Variants in EZH2 observed in about 807,000 individuals in gnomAD.
The protein encoded by EZH2 is histone-lysine N-methyltransferase EZH2.
In EZH2, 18 loss-of-function variants were observed where a neutral mutation model predicts 98.4. The observed-to-expected ratio is 0.18, with a 90% CI of 0.13 to 0.27. EZH2 has a LOEUF of 0.27. EZH2 is among the 10% of genes least tolerant of loss of function. The probability of loss-of-function intolerance (pLI) is 1.00; values close to 1 mark genes in which losing one functional copy is unlikely to be tolerated. For missense variants in EZH2, 470 were observed against 935.1 expected (o/e 0.50, Z 6.49); for synonymous variants, 338 against 312.3 (o/e 1.08, Z -0.87).
chr7:148,851,646 T>C (rs751083439), intron 1 of EZH2, among the ~76,000 whole-genome samples: 15 of 152,100 alleles, frequency 9.9e-5, no homozygotes, highest in Non-Finnish European at 1.3e-4. Context: ...GGTTGGAGGA[T>C]TGAGCCCAGG....
chr7:148,810,078 A>C, intron 17 of EZH2: 1 of 373,592 alleles, frequency 2.7e-6, no homozygotes, highest in Non-Finnish European at 5.0e-6. Context: ...CGTCCCCTTC[A>C]CAGCCAGATG....
chr7:148,815,172 T>TA (rs1265554036), intron 13 of EZH2, 133 bp from the exon 14 acceptor site: 7 of 1,167,850 alleles, frequency 6.0e-6, no homozygotes, highest in Non-Finnish European at 7.1e-6. Context: ...TGCATAACAT[T>TA]ACACATATTC....
At chr7:148,810,545 G>C (rs1041646464) in intron 16 of EZH2, 131 bp from the exon 17 acceptor site, 1 of 560,540 alleles carries the variant, frequency 1.8e-6, no homozygotes, top group Non-Finnish European at 3.3e-6. Context: ...CTACAGCCAA[G>C]TTCTCTTTCC....
At chr7:148,839,659 C>T (rs1026307952) in intron 3 of EZH2, among the ~76,000 whole-genome samples, 2 of 152,012 alleles carry the variant, frequency 1.3e-5, no homozygotes, top group Non-Finnish European at 2.9e-5. Context: ...ATTCTCCTGC[C>T]TCAGCCTCCC....
At chr7:148,838,827 C>T (rs139500182) in intron 3 of EZH2, among the ~76,000 whole-genome samples, 16 of 152,114 alleles carry the variant, frequency 1.1e-4, no homozygotes, top group Non-Finnish European at 1.8e-4. Context: ...CCAAGGTGGG[C>T]GGATCACTTG....
intron 1 of EZH2, among the ~76,000 whole-genome samples, chr7:148,870,460 G>A (rs1365848908): frequency 6.6e-6 from 1 of 152,028 alleles, no homozygotes; most frequent in Non-Finnish European, 1.5e-5. Flanking sequence ...CCCAGCACCT[G>A]GGGACTCCAA....
intron 13 of EZH2, among the ~76,000 whole-genome samples, 157 bp from the exon 14 acceptor site, chr7:148,815,196 G>A (rs974826080): frequency 1.3e-5 from 2 of 152,174 alleles, no homozygotes; most frequent in South Asian, 2.1e-4. Context: ...TTTCCACAAC[G>A]ATGGCAAAAA....
intron 9 of EZH2, among the ~76,000 whole-genome samples, chr7:148,818,810 C>T (rs1805262822): frequency 6.6e-6 from 1 of 152,094 alleles, no homozygotes; most frequent in Admixed American, 6.5e-5. Flanking sequence ...ATAGAGACCA[C>T]AGAAACATTT....
intron 8 of EZH2, among the ~76,000 whole-genome samples, 166 bp from the exon 9 acceptor site, chr7:148,819,853 G>A (rs1050695139): frequency 1.3e-5 from 2 of 152,080 alleles, no homozygotes; most frequent in South Asian, 2.1e-4. Context: ...TGATCACAAC[G>A]TATTCTCCAT....
intron 1 of EZH2, among the ~76,000 whole-genome samples, chr7:148,873,537 A>G (rs1031371719): frequency 1.3e-4 from 19 of 145,038 alleles, no homozygotes; most frequent in Non-Finnish European, 2.6e-4. Context: ...ATCAGTTTGC[A>G]GAATCATTTC....
rs1806656131 is a variant in EZH2, at chr7:148,823,156, C to T, written c.907+3298G>A. Among the ~76,000 whole-genome samples, 4 of 152,204 alleles carry T rather than the reference C, an allele frequency of 2.6e-5. No homozygotes were observed. In the South Asian group the frequency reaches 8.3e-4, roughly 32 times the overall value. On this transcript the variant is annotated intron_variant, in intron 8 of 19. Transcript: ENST00000320356. Reference sequence around the variant, plus strand: ...ATTTTAAAAATTAGTTTGGTAACACCTTCTATGGGCAGGGCTCTCTGACTT... The same window carrying T: ...ATTTTAAAAATTAGTTTGGTAACACTTTCTATGGGCAGGGCTCTCTGACTT...
rs762273009 is a variant in EZH2, at chr7:148,816,786, G to A, written c.1411-8C>T. 12 of 1,606,814 alleles carry A rather than the reference G, an allele frequency of 7.5e-6. No individual in the cohort carries two copies. Among genetic ancestry groups the A allele is most frequent in the Non-Finnish European group, 9.4e-6 (11 of 1,173,426 alleles). ...GACTCTAAACTCATACACCTGACAA[G>A]AGGCACAGTCACAGAGCCATGAGGA... On this transcript the variant is annotated splice_polypyrimidine_tract_variant and splice_region_variant and intron_variant, in intron 11 of 19. Transcript: ENST00000320356.
At position 148,814,085 on chromosome 7, in the gene EZH2, C is replaced by T. The variant is rs2129469833; in HGVS notation, c.1725G>A (p.Gln575=). ...CTCGGACAGCCAGGTAGCACGGGCA[C>T]TGCTTGGTGTTGCACTGTGCTTTGC... ...CRCKAQCNTK[Q]CPCYLAVREC... is the part of the protein sequence containing the mutation. Residue 575 remains glutamine (Q), a synonymous_variant, in exon 15 of 20, where the codon CAG becomes CAA. Coordinates refer to ENST00000320356, the MANE Select transcript of EZH2 (RefSeq NM_004456.5). 3.7e-6 allele frequency: 6 copies of T among 1,614,188 alleles called. 1 individual carries two copies. The South Asian group carries it at 6.6e-5, about 18-fold the overall frequency.
chr7:148,819,863 T>TTCC (rs1237467530), intron 8 of EZH2, among the ~76,000 whole-genome samples, 176 bp from the exon 9 acceptor site: 1 of 152,208 alleles, frequency 6.6e-6, no homozygotes, highest in Non-Finnish European at 1.5e-5. Flanking sequence ...GTATTCTCCA[T>TTCC]TCCTCCTCCT....
At chr7:148,818,367 T>C (rs1410013694) in intron 9 of EZH2, among the ~76,000 whole-genome samples, 4 of 152,206 alleles carry the variant, frequency 2.6e-5, no homozygotes, top group Admixed American at 6.5e-5. Flanking sequence ...CAGTTCTATA[T>C]TGTGAATTTG....
chr7:148,871,577 C>CTTTTTTTTTTTTT (rs376098406), intron 1 of EZH2, among the ~76,000 whole-genome samples: 3 of 135,254 alleles, frequency 2.2e-5, no homozygotes, highest in African/African-American at 8.4e-5. Flanking sequence ...AGTGTATTTT[C>CTTTTTTTTTTTTT]TTTTTTTTTT....
intron 8 of EZH2, 30 bp from the exon 9 acceptor site, chr7:148,819,717 T>C (rs764948019): frequency 2.5e-5 from 39 of 1,581,198 alleles, no homozygotes; most frequent in Non-Finnish European, 3.3e-5. Context: ...AAGAATCTAA[T>C]ATAACTATAA....
At chr7:148,856,087 T>C (rs1190596763) in intron 1 of EZH2, among the ~76,000 whole-genome samples, 1 of 152,058 alleles carries the variant, frequency 6.6e-6, no homozygotes, top group Non-Finnish European at 1.5e-5. Flanking sequence ...ATGCAAACTA[T>C]ACAGCAAGTC....
At position 148,872,463 on chromosome 7, in the gene EZH2, TA is replaced by T. The variant is rs141866348; in HGVS notation, c.-8+11700del. 2.2e-3 allele frequency among the ~76,000 whole-genome samples: 334 copies of T among 152,318 alleles called. 6 individuals carry two copies. In the East Asian group the frequency reaches 0.025, roughly 11 times the overall value. ...TACTGAACTGTACATTTTTAAATGG[TA>T]AACATGATTAATTTACTATGGGCTT... is the stretch of plus-strand genomic sequence containing the variant. On this transcript the variant is annotated intron_variant, in intron 1 of 19. Transcript: ENST00000320356.
Sources: gnomAD v4.1 joint callset for allele counts (sites outside exome capture counted in the v4.1 genomes callset) on GRCh38, gnomAD v4.1.1 for gene constraint, MANE v1.5 for transcripts, NCBI Gene and HGNC (gene_info 2026-07-23, HGNC 2026-07-21) for gene names.